HMGCLL1: variants seen among roughly 807,000 people sequenced by gnomAD.
HMGCLL1 encodes 3-hydroxy-3-methylglutaryl-CoA lyase like 1, also known as 3-hydroxymethyl-3-methylglutaryl-CoA lyase, cytoplasmic.
HMGCLL1 carries 36 observed loss-of-function variants against 39.1 expected under a neutral mutation model. The observed-to-expected ratio is 0.92, with a 90% confidence interval of 0.71 to 1.22. HMGCLL1 has a LOEUF of 1.22. HMGCLL1 is among the 50% of genes most tolerant of loss of function. HMGCLL1 has a pLI of 0.00. For synonymous variants in HMGCLL1, 149 were observed against 144.0 expected, an observed-to-expected ratio of 1.03 and a Z score of -0.25; for missense variants, 451 against 416.5, an observed-to-expected ratio of 1.08 and a Z score of -0.72.
chr6:55,509,818 C>T (rs1378188515), intron 5 of HMGCLL1, among the ~76,000 whole-genome samples: 1 of 151,764 alleles, frequency 6.6e-6, no homozygotes, highest in Non-Finnish European at 1.5e-5. Flanking sequence ...ATTAAGTTTT[C>T]CCTGTTTTTG....
At chr6:55,437,987 T>C (rs1335356026) in intron 8 of HMGCLL1, among the ~76,000 whole-genome samples, 1 of 152,078 alleles carries the variant, frequency 6.6e-6, no homozygotes, top group Non-Finnish European at 1.5e-5. Context: ...ACTAGTTGAA[T>C]TGTGGCAGCT....
chr6:55,478,115 T>C (rs1765556166), intron 7 of HMGCLL1, among the ~76,000 whole-genome samples: 2 of 151,068 alleles, frequency 1.3e-5, no homozygotes, highest in South Asian at 2.1e-4. Context: ...TCATAGTTTA[T>C]ATAATTTTAT....
intron 1 of HMGCLL1, among the ~76,000 whole-genome samples, chr6:55,567,338 TGATA>T (rs1243724974): frequency 1.3e-5 from 2 of 152,092 alleles, no homozygotes; most frequent in Non-Finnish European, 2.9e-5. Flanking sequence ...TTTTGTAAAG[TGATA>T]GATTAGATAG....
chr6:55,477,361 TTATATTAATATAATA>T (rs1228779999), intron 7 of HMGCLL1, among the ~76,000 whole-genome samples: 1 of 34,800 alleles, frequency 2.9e-5, no homozygotes, highest in East Asian at 1.4e-3. Flanking sequence ...ATAATATATA[TTATATTAATATAATA>T]TATATTATCT....
chr6:55,491,457 A>G (rs1418963177), intron 7 of HMGCLL1, among the ~76,000 whole-genome samples: 1 of 152,172 alleles, frequency 6.6e-6, no homozygotes, highest in Non-Finnish European at 1.5e-5. Flanking sequence ...TTATGAGAAA[A>G]GGCACATTAA....
At chr6:55,509,079 A>C (rs2127433089) in intron 5 of HMGCLL1, among the ~76,000 whole-genome samples, 1 of 152,000 alleles carries the variant, frequency 6.6e-6, no homozygotes. Context: ...AAAGCTTAAA[A>C]AGTACAAACC....
chr6:55,638,275 C>T, the HMGCLL1 span, among the ~76,000 whole-genome samples: 3 of 151,632 alleles, frequency 2.0e-5, no homozygotes, highest in East Asian at 3.9e-4. Flanking sequence ...GGTGTGGTGG[C>T]GGGCGCTTGT....
intron 1 of HMGCLL1, among the ~76,000 whole-genome samples, chr6:55,560,281 TATAAAGGTGTA>T (rs1231772809): frequency 2.6e-5 from 4 of 152,158 alleles, no homozygotes; most frequent in Non-Finnish European, 5.9e-5. Flanking sequence ...AGAGCAAAAC[TATAAAGGTGTA>T]ATAGCAGGAT....
At chr6:55,589,566 G>A in the HMGCLL1 span, among the ~76,000 whole-genome samples, 5 of 151,970 alleles carry the variant, frequency 3.3e-5, no homozygotes, top group South Asian at 6.2e-4. Context: ...ATTAGGCAGG[G>A]GAAGGAAATA....
At chr6:55,510,673 A>G (rs1182634989) in intron 5 of HMGCLL1, among the ~76,000 whole-genome samples, 13 of 149,346 alleles carry the variant, frequency 8.7e-5, no homozygotes, top group East Asian at 2.0e-4. Context: ...GATAGCATTA[A>G]GAGATATACC....
At chr6:55,598,022 G>T in the HMGCLL1 span, among the ~76,000 whole-genome samples, 2 of 152,176 alleles carry the variant, frequency 1.3e-5, no homozygotes, top group Middle Eastern at 3.4e-3. Context: ...GAAAATCAAG[G>T]CTCACTGTAA....
At chr6:55,563,859 G>A in intron 1 of HMGCLL1, 1 of 1,287,278 alleles carries the variant, frequency 7.8e-7, no homozygotes, top group Non-Finnish European at 1.0e-6. Flanking sequence ...ATATGATGGG[G>A]ATCAGGGCTT....
At chr6:55,517,355 C>A (rs888779044) in intron 3 of HMGCLL1, among the ~76,000 whole-genome samples, 1 of 152,020 alleles carries the variant, frequency 6.6e-6, no homozygotes, top group African/African-American at 2.4e-5. Flanking sequence ...ATAATCATCA[C>A]ACAGAGAAAT....
chr6:55,473,535 C>T (rs1369444631), intron 7 of HMGCLL1, among the ~76,000 whole-genome samples: 1 of 151,410 alleles, frequency 6.6e-6, no homozygotes, highest in African/African-American at 2.4e-5. Flanking sequence ...TCATTCCTCC[C>T]ATATTTTATA....
intron 3 of HMGCLL1, among the ~76,000 whole-genome samples, chr6:55,524,946 C>T (rs1276736390): frequency 6.7e-6 from 1 of 148,330 alleles, no homozygotes; most frequent in South Asian, 2.1e-4. Flanking sequence ...GTAATTAATA[C>T]TAATTACTAT....
the HMGCLL1 span, among the ~76,000 whole-genome samples, chr6:55,674,223 A>G: frequency 2.0e-5 from 3 of 152,004 alleles, no homozygotes; most frequent in Non-Finnish European, 4.4e-5. Context: ...TATGGTGTCA[A>G]GTTATATAAA....
the HMGCLL1 span, among the ~76,000 whole-genome samples, chr6:55,584,474 C>T: frequency 6.6e-6 from 1 of 152,080 alleles, no homozygotes; most frequent in African/African-American, 2.4e-5. Context: ...AAAATGACCG[C>T]AATAAATTAC....
chr6:55,502,229 TCA>T (rs1766927454), intron 5 of HMGCLL1, among the ~76,000 whole-genome samples: 1 of 151,782 alleles, frequency 6.6e-6, no homozygotes, highest in Admixed American at 6.6e-5. Context: ...GTCTCTGGTC[TCA>T]GTTATTGCTG....
intron 7 of HMGCLL1, among the ~76,000 whole-genome samples, chr6:55,483,126 C>T (rs1194911708): frequency 6.6e-6 from 1 of 152,064 alleles, no homozygotes; most frequent in Admixed American, 6.6e-5. Context: ...CCAATTTCTT[C>T]GATGGGATGA....
Sources: gnomAD v4.1 joint callset for allele counts (sites outside exome capture counted in the v4.1 genomes callset) on GRCh38, gnomAD v4.1.1 for gene constraint, MANE v1.5 for transcripts, NCBI Gene and HGNC (gene_info 2026-07-23, HGNC 2026-07-21) for gene names.